Variants in BMPR1B observed in about 807,000 individuals in gnomAD.
BMPR1B encodes bone morphogenetic protein receptor type-1B.
BMPR1B carries 12 observed loss-of-function variants against 59.1 expected under a neutral mutation model. The observed-to-expected ratio is 0.20, with a 90% CI of 0.13 to 0.33. The LOEUF (loss-of-function observed/expected upper bound fraction) is 0.33. Ranked by LOEUF, BMPR1B falls within the 10% of genes least tolerant of loss-of-function variation. The pLI, the probability that BMPR1B is intolerant of heterozygous loss-of-function variation, is 1.00. For missense variants in BMPR1B, 550 were observed against 610.9 expected (o/e 0.90, Z 1.05); for synonymous variants, 237 against 207.3 (o/e 1.14, Z -1.23).
intron 1 of BMPR1B, among the ~76,000 whole-genome samples, chr4:94,803,890 T>G (rs568343398): frequency 1.3e-5 from 2 of 152,286 alleles, no homozygotes; most frequent in East Asian, 3.9e-4. Flanking sequence ...TATTTATTTA[T>G]TTTTTTGAGA....
chr4:95,114,660 A>G, intron 4 of BMPR1B, 60 bp from the exon 5 acceptor site: 1 of 1,382,104 alleles, frequency 7.2e-7, no homozygotes, highest in South Asian at 1.2e-5. Context: ...ACACACACAC[A>G]CACACACACT....
intron 2 of BMPR1B, among the ~76,000 whole-genome samples, chr4:94,959,808 G>A (rs1730285576): frequency 6.6e-6 from 1 of 152,084 alleles, no homozygotes; most frequent in Non-Finnish European, 1.5e-5. Context: ...AGGGTAGAGA[G>A]TATGATTTTA....
intron 2 of BMPR1B, among the ~76,000 whole-genome samples, chr4:94,982,579 A>T (rs1354312892): frequency 3.9e-5 from 6 of 152,182 alleles, no homozygotes; most frequent in Non-Finnish European, 8.8e-5. Flanking sequence ...CTGGATTTTT[A>T]AAAAAGTCCT....
intron 3 of BMPR1B, among the ~76,000 whole-genome samples, chr4:95,062,177 T>G (rs1454268785): frequency 6.6e-6 from 1 of 152,122 alleles, no homozygotes; most frequent in Non-Finnish European, 1.5e-5. Flanking sequence ...AACAGACTAA[T>G]ATACCACAGG....
At chr4:94,958,299 G>C (rs965450542) in intron 2 of BMPR1B, among the ~76,000 whole-genome samples, 6 of 152,170 alleles carry the variant, frequency 3.9e-5, no homozygotes, top group Non-Finnish European at 8.8e-5. Context: ...TGTATATACT[G>C]TCTGGGCATA....
intron 8 of BMPR1B, among the ~76,000 whole-genome samples, chr4:95,128,966 T>G (rs1234215046): frequency 6.6e-6 from 1 of 151,004 alleles, no homozygotes; most frequent in African/African-American, 2.4e-5. Flanking sequence ...TCTCCCTCCA[T>G]TTTTTTTTGT....
intron 1 of BMPR1B, among the ~76,000 whole-genome samples, chr4:94,769,666 A>G (rs1272060421): frequency 6.6e-6 from 1 of 152,208 alleles, no homozygotes; most frequent in African/African-American, 2.4e-5. Flanking sequence ...CAGAGCACAA[A>G]TAGACTGAAT....
rs868336133 is a variant in BMPR1B, at chr4:94,987,053, T to A, written c.-112-8987T>A. On this transcript the variant is annotated intron_variant, in intron 2 of 12. Coordinates refer to ENST00000515059, the MANE Select transcript of BMPR1B (RefSeq NM_001203.3). ...CAGACTCTGTCTCAAAAAAAATATA[T>A]ATATATATAATATATAATATTTATG... 4.9e-3 allele frequency among the ~76,000 whole-genome samples: 674 copies of A among 137,474 alleles called. 6 individuals are homozygous for A. The highest frequency in any genetic ancestry group is 0.015 in the African/African-American group (549 of 37,602). The allele number at this position is 137,474 out of a possible 152,430, so 90.2% of individuals were successfully genotyped here.
At chr4:95,114,265 C>G (rs1373308459) in intron 4 of BMPR1B, among the ~76,000 whole-genome samples, 1 of 152,130 alleles carries the variant, frequency 6.6e-6, no homozygotes, top group African/African-American at 2.4e-5. Flanking sequence ...TGCACTCCTT[C>G]TCACTAACTG....
intron 3 of BMPR1B, among the ~76,000 whole-genome samples, chr4:95,074,519 C>T (rs534079421): frequency 6.6e-6 from 1 of 152,090 alleles, no homozygotes; most frequent in Admixed American, 6.6e-5. Context: ...TAGTTTTCTT[C>T]TTCATTTTCA....
intron 1 of BMPR1B, among the ~76,000 whole-genome samples, chr4:94,796,092 G>A (rs1197268693): frequency 5.3e-5 from 8 of 151,878 alleles, no homozygotes; most frequent in Non-Finnish European, 1.2e-4. Context: ...AGCCTCCTGA[G>A]TAGCTGGGAT....
At chr4:95,070,085 G>A (rs556362907) in intron 3 of BMPR1B, among the ~76,000 whole-genome samples, 1 of 152,272 alleles carries the variant, frequency 6.6e-6, no homozygotes, top group South Asian at 2.1e-4. Context: ...GGCAACAAGA[G>A]AGAAACTGGG....
At chr4:94,977,728 G>C (rs985172233) in intron 2 of BMPR1B, among the ~76,000 whole-genome samples, 3 of 152,096 alleles carry the variant, frequency 2.0e-5, no homozygotes, top group Non-Finnish European at 4.4e-5. Flanking sequence ...ATGGTGGCGC[G>C]TGCCTGCAGT....
intron 2 of BMPR1B, among the ~76,000 whole-genome samples, chr4:94,964,942 C>T (rs1287823792): frequency 1.3e-5 from 2 of 152,104 alleles, no homozygotes. Context: ...GTACCCTTGC[C>T]CCTGCCTATT....
chr4:94,941,156 G>A (rs1418409235), intron 2 of BMPR1B, among the ~76,000 whole-genome samples: 4 of 152,082 alleles, frequency 2.6e-5, no homozygotes, highest in South Asian at 2.1e-4. Context: ...GGACGGGTGC[G>A]CAGTGGCTCA....
At chr4:94,770,180 G>GTTTTTTTTTTTTTTTTTTTTTTTTTT (rs1553903537) in intron 1 of BMPR1B, among the ~76,000 whole-genome samples, 9 of 106,250 alleles carry the variant, frequency 8.5e-5, no homozygotes, top group African/African-American at 3.7e-4. Flanking sequence ...CTTCGTTTCT[G>GTTTTTTTTTTTTTTTTTTTTTTTTTT]TGTTTGTTTT....
At chr4:95,034,077 G>A (rs901127111) in intron 3 of BMPR1B, among the ~76,000 whole-genome samples, 5 of 152,088 alleles carry the variant, frequency 3.3e-5, no homozygotes, top group Non-Finnish European at 5.9e-5. Context: ...TTAAGAGGAT[G>A]TTTGCTAGCT....
At chr4:94,864,154 G>A (rs994183732) in intron 1 of BMPR1B, among the ~76,000 whole-genome samples, 1 of 152,142 alleles carries the variant, frequency 6.6e-6, no homozygotes, top group Admixed American at 6.5e-5. Flanking sequence ...GAAAAATCAA[G>A]GGATATATAC....
intron 3 of BMPR1B, among the ~76,000 whole-genome samples, chr4:95,100,765 G>C (rs1449420037): frequency 6.6e-6 from 1 of 151,952 alleles, no homozygotes; most frequent in East Asian, 1.9e-4. Flanking sequence ...TTATCTTTCA[G>C]CTCACCTGCT....
Sources: gnomAD v4.1 joint callset for allele counts (sites outside exome capture counted in the v4.1 genomes callset) on GRCh38, gnomAD v4.1.1 for gene constraint, MANE v1.5 for transcripts, NCBI Gene and HGNC (gene_info 2026-07-23, HGNC 2026-07-21) for gene names.